The following FARP1 variants were observed in gnomAD, a reference collection of about 807,000 sequenced individuals.
FARP1 encodes the protein FERM, ARH/RhoGEF and pleckstrin domain protein 1.
Under a neutral mutation model 128.8 loss-of-function variants are expected in FARP1, and 52 were observed. The ratio of observed to expected loss-of-function variants is 0.40; its 90% CI spans 0.32 to 0.51. The LOEUF (loss-of-function observed/expected upper bound fraction) is 0.51, where lower values mean the gene tolerates loss of function less well. FARP1 is among the 20% of genes least tolerant of loss of function. FARP1 has a pLI of 0.45. For synonymous variants in FARP1, 580 were observed against 551.8 expected, an observed-to-expected ratio of 1.05 and a Z score of -0.72; for missense variants, 1,333 against 1,367.9, an observed-to-expected ratio of 0.97 and a Z score of 0.40.
At chr13:98,152,919 A>G (rs543852062) in intron 1 of FARP1, among the ~76,000 whole-genome samples, 1 of 152,078 alleles carries the variant, frequency 6.6e-6, no homozygotes, top group South Asian at 2.1e-4. Flanking sequence ...CTTGGAATCT[A>G]CCATCTGGCA....
chr13:98,216,494 GGCC>G (rs1436166370), intron 2 of FARP1, among the ~76,000 whole-genome samples: 1 of 152,198 alleles, frequency 6.6e-6, no homozygotes, highest in Non-Finnish European at 1.5e-5. Context: ...CTGGGCACGT[GGCC>G]AGAAGTCCCT....
At chr13:98,212,767 T>G (rs1880811134) in intron 1 of FARP1, among the ~76,000 whole-genome samples, 1 of 152,190 alleles carries the variant, frequency 6.6e-6, no homozygotes, top group Non-Finnish European at 1.5e-5. Context: ...ACCAGATTAT[T>G]AGCCCGAGCT....
intron 2 of FARP1, among the ~76,000 whole-genome samples, chr13:98,224,799 C>A (rs1881663784): frequency 6.6e-6 from 1 of 152,136 alleles, no homozygotes; most frequent in Non-Finnish European, 1.5e-5. Flanking sequence ...ACTTCTGCCT[C>A]ACAGAGAACA....
At chr13:98,281,322 G>A (rs1344548112) in intron 2 of FARP1, among the ~76,000 whole-genome samples, 4 of 152,008 alleles carry the variant, frequency 2.6e-5, no homozygotes, top group East Asian at 3.9e-4. Context: ...AGCTGAGATC[G>A]TGCCACTGTT....
At chr13:98,396,636 C>A in intron 13 of FARP1, 1 of 397,702 alleles carries the variant, frequency 2.5e-6, no homozygotes, top group Non-Finnish European at 4.4e-6. Context: ...TTGAAAGAGT[C>A]TGCCTGACTT....
intron 3 of FARP1, among the ~76,000 whole-genome samples, chr13:98,347,864 C>T (rs1479952600): frequency 6.6e-6 from 1 of 152,172 alleles, no homozygotes; most frequent in East Asian, 1.9e-4. Flanking sequence ...CCCCATTTCT[C>T]TGTGTGTGAT....
At chr13:98,331,106 C>T (rs1480873279) in intron 2 of FARP1, among the ~76,000 whole-genome samples, 1 of 152,144 alleles carries the variant, frequency 6.6e-6, no homozygotes, top group Admixed American at 6.5e-5. Flanking sequence ...TCTTATTTCC[C>T]AGAACTGTGG....
At chr13:98,446,315 A>C in intron 25 of FARP1, 110 bp downstream of exon 25, 1 of 704,502 alleles carries the variant, frequency 1.4e-6, no homozygotes, top group Non-Finnish European at 2.5e-6. Flanking sequence ...TCCAGGTGTC[A>C]CGGGGATGAC....
chr13:98,219,809 G>A (rs1009699452), intron 2 of FARP1, among the ~76,000 whole-genome samples: 6 of 152,044 alleles, frequency 3.9e-5, no homozygotes, highest in African/African-American at 1.2e-4. Context: ...GAGACTACAG[G>A]CACGCATCAC....
chr13:98,337,685 C>T (rs1887802021), intron 2 of FARP1, among the ~76,000 whole-genome samples: 1 of 151,876 alleles, frequency 6.6e-6, no homozygotes, highest in African/African-American at 2.4e-5. Flanking sequence ...GTGCTGTTTC[C>T]ACCTTTTCCC....
At chr13:98,370,798 C>T (rs1316399655) in intron 5 of FARP1, among the ~76,000 whole-genome samples, 3 of 152,112 alleles carry the variant, frequency 2.0e-5, no homozygotes, top group African/African-American at 4.8e-5. Flanking sequence ...GTTTTCTGAA[C>T]GTTTGTGCTG....
chr13:98,255,295 C>G (rs1049513840), intron 2 of FARP1, among the ~76,000 whole-genome samples: 1 of 151,932 alleles, frequency 6.6e-6, no homozygotes, highest in Admixed American at 6.6e-5. Context: ...GTCAGGAGAT[C>G]GAGACCATCC....
At position 98,176,230 on chromosome 13, in the gene FARP1, A is replaced by G. The variant is rs1878008938; in HGVS notation, c.-24+32738A>G. The G allele has an allele frequency of 6.2e-7, 1 of 1,607,936 alleles. No homozygotes were observed. Among genetic ancestry groups the G allele is most frequent in the Non-Finnish European group, 8.5e-7 (1 of 1,175,110 alleles). On this transcript the variant is annotated intron_variant, in intron 1 of 26. Coordinates refer to ENST00000319562, the MANE Select transcript of FARP1 (RefSeq NM_005766.4). The surrounding 1 kb of genome is among the most constrained non-coding windows in gnomAD (Gnocchi z 6.2). ...GTGAGAATTATGGGAAACCTAAGCC[A>G]TGGGAATTGGACACTCATGGGGGTC...
At chr13:98,190,238 C>T (rs1276662224) in intron 1 of FARP1, among the ~76,000 whole-genome samples, 1 of 152,156 alleles carries the variant, frequency 6.6e-6, no homozygotes, top group African/African-American at 2.4e-5. Context: ...TTTTTTGCAT[C>T]AATATAGGAA....
intron 1 of FARP1, among the ~76,000 whole-genome samples, chr13:98,196,387 TCA>T: frequency 6.6e-6 from 1 of 152,208 alleles, no homozygotes; most frequent in Non-Finnish European, 1.5e-5. Context: ...CTCTTGTGTC[TCA>T]GTTTCCTCAT....
At chr13:98,305,436 C>T (rs567121108) in intron 2 of FARP1, among the ~76,000 whole-genome samples, 6 of 152,086 alleles carry the variant, frequency 3.9e-5, no homozygotes, top group East Asian at 1.9e-4. Context: ...TGGGTTCAAG[C>T]GATTCTCCTG....
In FARP1 at chr13:98,330,394, T is replaced by C. The variant is rs61968360; in HGVS notation, c.172-13368T>C. 3.5e-3 allele frequency among the ~76,000 whole-genome samples: 537 copies of C among 152,302 alleles called. 3 individuals carry two copies. Among genetic ancestry groups the C allele is most frequent in the Middle Eastern group, 6.8e-3 (2 of 294 alleles). ...TGAGAAGCTATTTGGAAATTGTTTA[T>C]GTGATAAGTCAGATAGTAATCATAA... On this transcript the variant is annotated intron_variant, in intron 2 of 26. Transcript: ENST00000319562.
chr13:98,196,977 C>T (rs61968650), intron 1 of FARP1, among the ~76,000 whole-genome samples: 22,909 of 152,106 alleles, frequency 0.15, 2,277 homozygotes, highest in Middle Eastern at 0.28. Flanking sequence ...TTTATAGTAT[C>T]CTTTGGCTTA....
chr13:98,247,861 A>T (rs1197144641), intron 2 of FARP1, among the ~76,000 whole-genome samples: 2 of 152,196 alleles, frequency 1.3e-5, no homozygotes, highest in Non-Finnish European at 2.9e-5. Context: ...CAAGCCACGG[A>T]TGTGGTCATC....
Sources: allele counts gnomAD v4.1 joint callset (sites outside exome capture counted in the v4.1 genomes callset), GRCh38; gene constraint gnomAD v4.1.1; non-coding constraint Gnocchi (gnomAD v3.1); transcripts MANE v1.5; gene names NCBI Gene and HGNC (gene_info 2026-07-23, HGNC 2026-07-21).